Variants in CCDC15 observed in about 807,000 individuals in gnomAD.
CCDC15 encodes the protein coiled-coil domain containing 15.
Under a neutral mutation model 114.5 loss-of-function variants are expected in CCDC15, and 105 were observed. The observed-to-expected ratio is 0.92, with a 90% CI of 0.78 to 1.08. The LOEUF (loss-of-function observed/expected upper bound fraction) is 1.08. Among genes scored for constraint, CCDC15 ranks in the 50% least tolerant of loss-of-function variants. CCDC15 has a pLI of 0.00. For synonymous variants in CCDC15, 334 were observed against 377.8 expected (o/e 0.88, Z 1.34); for missense variants, 1,105 against 1,093.6 (o/e 1.01, Z -0.15).
rs756521263 is a variant in CCDC15 at position 125,038,869 on chromosome 11, C to G, written c.2586-52C>G. 40 of 1,557,788 alleles carry G rather than the reference C, an allele frequency of 2.6e-5. No individual in the cohort carries two copies. The African/African-American group carries it at 5.2e-4, about 20-fold the overall frequency. On this transcript the variant is annotated intron_variant, in intron 14 of 15. Coordinates refer to ENST00000344762, the MANE Select transcript of CCDC15 (RefSeq NM_025004.3). ...TCTGGCTGTAAAATCAGGATTCATA[C>G]TCACTTTCTTTTTAATAGTTCACTT...
At chr11:125,030,829 GAA>G (rs758487776) in intron 13 of CCDC15, among the ~76,000 whole-genome samples, 4 of 152,292 alleles carry the variant, frequency 2.6e-5, no homozygotes, top group Non-Finnish European at 2.9e-5. Flanking sequence ...GGTGGCTGGG[GAA>G]AGAGGGTGAG....
At chr11:125,005,055 C>G in intron 12 of CCDC15, 54 bp from the exon 13 acceptor site, 1 of 768,492 alleles carries the variant, frequency 1.3e-6, no homozygotes, top group Non-Finnish European at 2.1e-6. Flanking sequence ...ATTTTTCTTC[C>G]TTGGAAATTC....
At chr11:124,995,174 G>T (rs1041888033) in intron 11 of CCDC15, among the ~76,000 whole-genome samples, 4 of 152,102 alleles carry the variant, frequency 2.6e-5, no homozygotes, top group African/African-American at 9.7e-5. Context: ...TCTTGTCTGG[G>T]TAGTCTTCCC....
At chr11:124,959,717 C>CA in intron 3 of CCDC15, 98 bp from the exon 4 acceptor site, 1 of 615,980 alleles carries the variant, frequency 1.6e-6, no homozygotes, top group Non-Finnish European at 2.5e-6. Context: ...CCCTGCCCCC[C>CA]ACCCCAATTT....
intron 8 of CCDC15, among the ~76,000 whole-genome samples, chr11:124,989,885 C>T (rs1487442198): frequency 1.3e-5 from 2 of 152,200 alleles, no homozygotes. Context: ...TTGATCTGTC[C>T]ATACTGCTAA....
At chr11:124,978,634 G>C (rs190227722) in intron 6 of CCDC15, among the ~76,000 whole-genome samples, 2 of 152,192 alleles carry the variant, frequency 1.3e-5, no homozygotes, top group African/African-American at 4.8e-5. Flanking sequence ...TGAAGTGTCT[G>C]TTAATATCCT....
chr11:124,991,563 C>A lies in CCDC15; in HGVS notation c.2011C>A (p.Gln671Lys), dbSNP rs533489378. Reference sequence around the variant, plus strand: ...GTGTTTGCCTCCCAAATCCCAGGACCAGGATGACATCAAAAATCAGGTAGA... The same window carrying A: ...GTGTTTGCCTCCCAAATCCCAGGACAAGGATGACATCAAAAATCAGGTAGA... ...YQCLPPKSQDQDDIKNQQPAS... is the reference protein window; with the variant it reads ...YQCLPPKSQDKDDIKNQQPAS... The change falls in exon 9 of 16, where the codon CAG (glutamine) becomes AAG (lysine). Residue 671 changes from glutamine (Q) to lysine (K), a missense_variant. Coordinates refer to ENST00000344762, the MANE Select transcript of CCDC15 (RefSeq NM_025004.3). 6.2e-7 allele frequency: 1 copy of A among 1,606,388 alleles called. No individual in the cohort carries two copies. The highest frequency in any genetic ancestry group is 8.5e-7 in the Non-Finnish European group (1 of 1,175,632).
At chr11:124,992,518 A>G (rs1362271348) in intron 9 of CCDC15, 62 bp from the exon 10 acceptor site, 2 of 916,848 alleles carry the variant, frequency 2.2e-6, no homozygotes, top group Non-Finnish European at 3.4e-6. Flanking sequence ...TTATGATATT[A>G]TGATTAGCAT....
rs1439976349 is a variant in CCDC15 at position 125,011,306 on chromosome 11, C to T, written c.2411+6094C>T. On this transcript the variant is annotated intron_variant, in intron 13 of 15. Coordinates refer to ENST00000344762, the MANE Select transcript of CCDC15 (RefSeq NM_025004.3). ...AGGCTGGAGTGCAATGGCACGATCT[C>T]GACTCACTGCAACCTCCACCTCCCG... Among the ~76,000 whole-genome samples, 11 of 150,794 alleles carry T rather than the reference C, an allele frequency of 7.3e-5. No individual in the cohort carries two copies. In the South Asian group the frequency reaches 1.0e-3, roughly 14 times the overall value.
intron 4 of CCDC15, among the ~76,000 whole-genome samples, chr11:124,966,221 G>C (rs1190207451): frequency 6.6e-6 from 1 of 152,158 alleles, no homozygotes; most frequent in African/African-American, 2.4e-5. Flanking sequence ...TCGTTGATCT[G>C]TCTAATATTG....
chr11:125,041,269 T>C lies in CCDC15; in HGVS notation c.*558T>C, dbSNP rs1948815547. ...TGCCTCTTTCCCCATTCAGTGACACTGGACATAGGAATTTTTAATTGTGTA... is the reference window on the plus strand; with the variant it reads ...TGCCTCTTTCCCCATTCAGTGACACCGGACATAGGAATTTTTAATTGTGTA... On this transcript the variant is annotated 3_prime_UTR_variant, in exon 16 of 16. Coordinates refer to ENST00000344762, the MANE Select transcript of CCDC15 (RefSeq NM_025004.3). 1 of 152,236 alleles carries C rather than the reference T, an allele frequency of 6.6e-6. No homozygotes were observed. The highest frequency in any genetic ancestry group is 2.1e-4 in the South Asian group (1 of 4,838). The allele number at this position is 152,236 out of a possible 1,614,324, so 9.4% of individuals were successfully genotyped here.
chr11:124,997,786 A>T (rs1383979145), intron 11 of CCDC15, among the ~76,000 whole-genome samples: 3 of 152,126 alleles, frequency 2.0e-5, no homozygotes, highest in African/African-American at 7.2e-5. Context: ...TACTAAAAAT[A>T]TAAAAATTAG....
At chr11:124,956,015 TA>T (rs1276273870) in intron 2 of CCDC15, among the ~76,000 whole-genome samples, 1 of 152,098 alleles carries the variant, frequency 6.6e-6, no homozygotes, top group East Asian at 1.9e-4. Context: ...GAGTAAGAAG[TA>T]AGCAAGGTTC....
chr11:124,955,137 G>C (rs1263711005), intron 2 of CCDC15, among the ~76,000 whole-genome samples: 2 of 152,108 alleles, frequency 1.3e-5, no homozygotes, highest in Non-Finnish European at 2.9e-5. Flanking sequence ...ATAATATATA[G>C]AGCATAATCT....
chr11:125,030,088 A>G (rs1948727769), intron 13 of CCDC15, among the ~76,000 whole-genome samples: 1 of 152,308 alleles, frequency 6.6e-6, no homozygotes, highest in African/African-American at 2.4e-5. Context: ...CTAGGCCAGC[A>G]GAATGTAATA....
intron 13 of CCDC15, among the ~76,000 whole-genome samples, chr11:125,031,905 A>C (rs1365235097): frequency 6.6e-6 from 1 of 152,208 alleles, no homozygotes; most frequent in African/African-American, 2.4e-5. Context: ...TGTGTCGACA[A>C]CAAAATCCAA....
chr11:125,006,600 A>G (rs1333745067), intron 13 of CCDC15, among the ~76,000 whole-genome samples: 1 of 152,112 alleles, frequency 6.6e-6, no homozygotes, highest in East Asian at 1.9e-4. Flanking sequence ...GCCATACCCA[A>G]AGTCACTTAG....
intron 4 of CCDC15, among the ~76,000 whole-genome samples, chr11:124,965,751 C>T (rs1050254635): frequency 1.1e-4 from 16 of 152,178 alleles, no homozygotes; most frequent in Non-Finnish European, 2.1e-4. Flanking sequence ...GATTTTAGAT[C>T]TTTCCTGCTT....
chr11:125,012,659 A>G (rs931756002), intron 13 of CCDC15, among the ~76,000 whole-genome samples: 3 of 152,208 alleles, frequency 2.0e-5, no homozygotes, highest in Non-Finnish European at 4.4e-5. Context: ...GGGGATAAGG[A>G]TGGTGAGTTA....
Sources: gnomAD v4.1 joint callset for allele counts (sites outside exome capture counted in the v4.1 genomes callset) on GRCh38, gnomAD v4.1.1 for gene constraint, MANE v1.5 for transcripts, NCBI Gene and HGNC (gene_info 2026-07-23, HGNC 2026-07-21) for gene names.